The following SH3RF3 variants were observed in gnomAD, a reference collection of about 807,000 sequenced individuals.
SH3RF3 encodes E3 ubiquitin-protein ligase SH3RF3.
In SH3RF3, 29 loss-of-function variants were observed where a neutral mutation model predicts 66.3. That is an observed-to-expected ratio of 0.44 (90% CI 0.33 to 0.60). SH3RF3 has a LOEUF of 0.60. Ranked by LOEUF, SH3RF3 falls within the 20% of genes least tolerant of loss-of-function variation. The pLI, the probability that SH3RF3 is intolerant of heterozygous loss-of-function variation, is 0.04. For missense variants in SH3RF3, 1,194 were observed against 1,190.9 expected (o/e 1.00, Z -0.04); for synonymous variants, 583 against 532.0 (o/e 1.10, Z -1.32).
intron 1 of SH3RF3, among the ~76,000 whole-genome samples, chr2:109,253,846 G>A (rs1470143059): frequency 1.3e-5 from 2 of 152,082 alleles, no homozygotes; most frequent in Admixed American, 1.3e-4. Context: ...ATTGTTCAGG[G>A]AGCAGAAACC....
At chr2:109,347,305 G>T (rs1341431444) in intron 1 of SH3RF3, among the ~76,000 whole-genome samples, 1 of 152,166 alleles carries the variant, frequency 6.6e-6, no homozygotes, top group Non-Finnish European at 1.5e-5. Context: ...CTGCTCCTAG[G>T]TGTGGGCCTT....
intron 5 of SH3RF3, among the ~76,000 whole-genome samples, chr2:109,423,574 G>A (rs952215316): frequency 5.3e-5 from 8 of 152,184 alleles, no homozygotes; most frequent in Non-Finnish European, 7.3e-5. Flanking sequence ...CTGGATCAGC[G>A]TGAGTTCAAG....
intron 8 of SH3RF3, among the ~76,000 whole-genome samples, chr2:109,487,794 C>T (rs181622528): frequency 3.3e-5 from 5 of 152,294 alleles, no homozygotes; most frequent in South Asian, 2.1e-4. Context: ...CTCTCCCCGA[C>T]GGGCCCAAGA....
At chr2:109,255,234 T>G (rs551126595) in intron 1 of SH3RF3, among the ~76,000 whole-genome samples, 83 of 152,346 alleles carry the variant, frequency 5.4e-4, no homozygotes, top group African/African-American at 1.9e-3. Context: ...TTCGGAATAG[T>G]GCATCTAGGT....
At chr2:109,152,430 A>G (rs953499026) in intron 1 of SH3RF3, among the ~76,000 whole-genome samples, 1 of 152,236 alleles carries the variant, frequency 6.6e-6, no homozygotes, top group Non-Finnish European at 1.5e-5. Context: ...TCCGATCTCA[A>G]GTTGAGAACG....
intron 1 of SH3RF3, among the ~76,000 whole-genome samples, chr2:109,294,222 G>C (rs949803907): frequency 6.6e-6 from 1 of 152,112 alleles, no homozygotes; most frequent in African/African-American, 2.4e-5. Context: ...GGGGGATTTT[G>C]CTGGAGACAT....
At chr2:109,361,055 A>G (rs1574597233) in intron 2 of SH3RF3, among the ~76,000 whole-genome samples, 1 of 152,276 alleles carries the variant, frequency 6.6e-6, no homozygotes, top group South Asian at 2.1e-4. Flanking sequence ...ATTTTGTTAA[A>G]AGCTTTTTCT....
rs544107574 is a variant in SH3RF3, at chr2:109,145,758, C to T, written c.573+15645C>T. On this transcript the variant is annotated intron_variant, in intron 1 of 9. Coordinates refer to ENST00000309415, the MANE Select transcript of SH3RF3 (RefSeq NM_001099289.3). Reference sequence around the variant, plus strand: ...GAGCCTCCCCACCCGTGTGAAAGGGCGGGAACCCAGGAGCAGTATTGGTTT... The same window carrying T: ...GAGCCTCCCCACCCGTGTGAAAGGGTGGGAACCCAGGAGCAGTATTGGTTT... Among the ~76,000 whole-genome samples, 11 of 152,268 alleles carry T rather than the reference C, an allele frequency of 7.2e-5. No homozygotes were observed. The South Asian group carries it at 1.0e-3, about 14-fold the overall frequency.
intron 4 of SH3RF3, among the ~76,000 whole-genome samples, chr2:109,408,632 C>T (rs1170368661): frequency 2.0e-5 from 3 of 152,250 alleles, no homozygotes; most frequent in African/African-American, 7.2e-5. Context: ...TCTGTACAGG[C>T]AATGCCCCGC....
chr2:109,424,342 T>C (rs1371269450), intron 5 of SH3RF3, among the ~76,000 whole-genome samples: 3 of 152,196 alleles, frequency 2.0e-5, no homozygotes, highest in African/African-American at 7.2e-5. Context: ...CAGCCACTCA[T>C]CGCCCTTCAG....
chr2:109,357,555 C>T (rs1236093914), intron 2 of SH3RF3, among the ~76,000 whole-genome samples: 5 of 152,216 alleles, frequency 3.3e-5, no homozygotes. Flanking sequence ...TACCAGCCCG[C>T]CCTTCCCGCA....
chr2:109,221,743 C>T (rs1679248962), intron 1 of SH3RF3, among the ~76,000 whole-genome samples: 1 of 152,062 alleles, frequency 6.6e-6, no homozygotes, highest in Admixed American at 6.5e-5. Flanking sequence ...AGGGAACTCA[C>T]ATATACTATT....
At chr2:109,421,686 C>A (rs1320633364) in intron 5 of SH3RF3, among the ~76,000 whole-genome samples, 1 of 152,176 alleles carries the variant, frequency 6.6e-6, no homozygotes. Flanking sequence ...TTCCACTCAG[C>A]TTGAGATTTG....
At chr2:109,178,693 G>A (rs1202514001) in intron 1 of SH3RF3, among the ~76,000 whole-genome samples, 1 of 152,170 alleles carries the variant, frequency 6.6e-6, no homozygotes, top group South Asian at 2.1e-4. Flanking sequence ...CTTTGTCAAA[G>A]TTCTTGTGTC....
chr2:109,348,409 C>T (rs1354962605), intron 2 of SH3RF3, among the ~76,000 whole-genome samples: 4 of 152,228 alleles, frequency 2.6e-5, no homozygotes, highest in African/African-American at 4.8e-5. Context: ...CTGTGCATCA[C>T]AGCCCTGTCC....
chr2:109,416,951 C>T (rs1372898941), intron 4 of SH3RF3, among the ~76,000 whole-genome samples: 2 of 151,910 alleles, frequency 1.3e-5, no homozygotes, highest in Non-Finnish European at 2.9e-5. Flanking sequence ...GCTTGGCCAC[C>T]TGGATTGCAA....
chr2:109,431,145 C>G (rs145690481), intron 5 of SH3RF3, among the ~76,000 whole-genome samples: 4 of 152,306 alleles, frequency 2.6e-5, no homozygotes, highest in African/African-American at 9.6e-5. Context: ...AAGTGGGGTT[C>G]CTCCAGCATC....
At chr2:109,315,149 A>C (rs1393983657) in intron 1 of SH3RF3, among the ~76,000 whole-genome samples, 1 of 152,234 alleles carries the variant, frequency 6.6e-6, no homozygotes, top group Non-Finnish European at 1.5e-5. Flanking sequence ...TACTTTACTG[A>C]GTATAATTAG....
At chr2:109,488,040 C>G (rs1184281285) in intron 8 of SH3RF3, among the ~76,000 whole-genome samples, 1 of 152,210 alleles carries the variant, frequency 6.6e-6, no homozygotes, top group Admixed American at 6.5e-5. Flanking sequence ...TTCCTTTGGA[C>G]AACGCAAGGC....
Sources: gnomAD v4.1 joint callset for allele counts (sites outside exome capture counted in the v4.1 genomes callset) on GRCh38, gnomAD v4.1.1 for gene constraint, MANE v1.5 for transcripts, NCBI Gene and HGNC (gene_info 2026-07-23, HGNC 2026-07-21) for gene names.